DUOX1: variants seen among roughly 807,000 people sequenced by gnomAD.
DUOX1 encodes the protein NADPH thyroid oxidase 1.
In DUOX1, 134 loss-of-function variants were observed where a neutral mutation model predicts 181.8. The observed-to-expected ratio is 0.74, with a 90% CI of 0.64 to 0.85. DUOX1 has a LOEUF of 0.85. Among genes scored for constraint, DUOX1 ranks in the 40% least tolerant of loss-of-function variants. The pLI, the probability that DUOX1 is intolerant of heterozygous loss-of-function variation, is 0.00. For missense variants in DUOX1, 1,814 were observed against 2,064.4 expected (o/e 0.88, Z 2.35); for synonymous variants, 798 against 832.5 (o/e 0.96, Z 0.71).
At chr15:45,145,858 T>C (rs565335624) in intron 18 of DUOX1, among the ~76,000 whole-genome samples, 346 of 151,434 alleles carry the variant, frequency 2.3e-3, no homozygotes, top group Non-Finnish European at 4.2e-3. Flanking sequence ...GAGGTTGCAG[T>C]GAGCCGAGAT....
intron 12 of DUOX1, chr15:45,139,818 C>T (rs927583973): frequency 4.2e-5 from 26 of 624,852 alleles, no homozygotes; most frequent in Admixed American, 2.5e-4. Flanking sequence ...ATCCAGCAAG[C>T]GTGTATTAAG....
At chr15:45,133,049 G>A (rs1249680656) in intron 2 of DUOX1, among the ~76,000 whole-genome samples, 1 of 152,124 alleles carries the variant, frequency 6.6e-6, no homozygotes, top group African/African-American at 2.4e-5. Flanking sequence ...CCTAGTTTGG[G>A]GGAAAGAATC....
At chr15:45,162,961 T>A (rs1345179850) in intron 31 of DUOX1, among the ~76,000 whole-genome samples, 1 of 152,214 alleles carries the variant, frequency 6.6e-6, no homozygotes, top group African/African-American at 2.4e-5. Flanking sequence ...GGTGCTGGAA[T>A]GCAGTGGGCA....
At chr15:45,154,503 A>G (rs924318139) in intron 27 of DUOX1, among the ~76,000 whole-genome samples, 3 of 152,120 alleles carry the variant, frequency 2.0e-5, no homozygotes, top group African/African-American at 7.2e-5. Flanking sequence ...GAATCTATTC[A>G]AATTCTCTTG....
Position 45,163,779 on chromosome 15 carries a change from C to T in DUOX1, c.4405-11C>T, listed in dbSNP as rs1353661119. 1 of 1,613,970 alleles carries T rather than the reference C, an allele frequency of 6.2e-7. No homozygotes were observed. The highest frequency in any genetic ancestry group is 1.7e-5 in the Admixed American group (1 of 60,014). ...CCTGGCTGAACTTTGTTCCACCCTT[C>T]CCTACCATAGTACATCTGTGAGCGG... On this transcript the variant is annotated splice_polypyrimidine_tract_variant and intron_variant, in intron 32 of 33. Coordinates refer to ENST00000389037, the MANE Select transcript of DUOX1 (RefSeq NM_175940.3).
intron 9 of DUOX1, among the ~76,000 whole-genome samples, 189 bp from the exon 10 acceptor site, chr15:45,137,735 T>G (rs1896364790): frequency 1.3e-5 from 2 of 152,006 alleles, no homozygotes; most frequent in African/African-American, 4.8e-5. Flanking sequence ...TTTTAGATAT[T>G]TGGTCTGATG....
At chr15:45,154,113 C>A in intron 27 of DUOX1, 113 bp downstream of exon 27, 1 of 997,132 alleles carries the variant, frequency 1.0e-6, no homozygotes, top group Non-Finnish European at 1.6e-6. Context: ...TCCGGTGACC[C>A]AGGCTCTGTC....
chr15:45,161,083 A>T, intron 29 of DUOX1, 93 bp downstream of exon 29: 1 of 1,562,456 alleles, frequency 6.4e-7, no homozygotes, highest in East Asian at 2.3e-5. Flanking sequence ...GGTCGGGCCC[A>T]GTGGAGCTGG....
Position 45,155,760 on chromosome 15 carries a change from A to T in DUOX1, c.3575-42A>T, listed in dbSNP as rs536859730. 5 of 1,611,944 alleles carry T rather than the reference A, an allele frequency of 3.1e-6. No individual in the cohort carries two copies. The African/African-American group carries it at 5.3e-5, about 17-fold the overall frequency. ...GAAGCTCCAGAACAGTTCCCTTTCA[A>T]GGCACTGATCTTCTGCCTTCCACCC... On this transcript the variant is annotated intron_variant, in intron 27 of 33. Transcript: ENST00000389037.
chr15:45,131,889 G>A lies in DUOX1; in HGVS notation c.-49-29G>A, dbSNP rs139678003. On this transcript the variant is annotated intron_variant, in intron 1 of 33. Transcript: ENST00000389037. Reference sequence around the variant, plus strand: ...TTCACCTGATTCTTCTGAGTAGCTGGGGCTCATTCTTTGCCTGTCTTTTTC... The same window carrying A: ...TTCACCTGATTCTTCTGAGTAGCTGAGGCTCATTCTTTGCCTGTCTTTTTC... 9,333 of 1,455,904 alleles carry A rather than the reference G, an allele frequency of 6.4e-3. 41 individuals carry two copies. The highest frequency in any genetic ancestry group is 9.3e-3 in the Middle Eastern group (53 of 5,678). 90.2% of individuals were successfully genotyped at this position (1,455,904 alleles called of 1,614,324 possible). A position where few individuals can be genotyped will look rare whatever the true frequency, so the allele number is the denominator to read the frequency against.
chr15:45,155,408 T>TA (rs965355518), intron 27 of DUOX1: 16 of 170,974 alleles, frequency 9.4e-5, no homozygotes, highest in Non-Finnish European at 1.9e-4. Context: ...CTACTAAAAA[T>TA]AAAAAAAATT....
At chr15:45,150,097 A>T (rs1896763460) in intron 21 of DUOX1, among the ~76,000 whole-genome samples, 1 of 152,240 alleles carries the variant, frequency 6.6e-6, no homozygotes, top group Non-Finnish European at 1.5e-5. Context: ...TTGGCTTTGC[A>T]GCTTAGTCCT....
chr15:45,133,800 C>T, intron 2 of DUOX1, 64 bp from the exon 3 acceptor site: 1 of 1,427,186 alleles, frequency 7.0e-7, no homozygotes, highest in Non-Finnish European at 9.8e-7. Flanking sequence ...CCATATCCGG[C>T]AGGCCTGCCT....
intron 1 of DUOX1, among the ~76,000 whole-genome samples, chr15:45,131,200 A>G (rs534116715): frequency 6.6e-6 from 1 of 151,990 alleles, no homozygotes; most frequent in African/African-American, 2.4e-5. Flanking sequence ...CCTTACTCGC[A>G]CTCAGGAGTC....
Position 45,155,783 on chromosome 15 carries a change from C to G in DUOX1, c.3575-19C>G, listed in dbSNP as rs1361740915. ...CAAGGCACTGATCTTCTGCCTTCCA[C>G]CCTATATTCATTTTGCAGGCCTCAC... is the stretch of plus-strand genomic sequence containing the variant. On this transcript the variant is annotated intron_variant, in intron 27 of 33. Coordinates refer to ENST00000389037, the MANE Select transcript of DUOX1 (RefSeq NM_175940.3). The G allele has an allele frequency of 6.8e-6, 11 of 1,612,948 alleles. No homozygotes were observed. Among genetic ancestry groups the G allele is most frequent in the Non-Finnish European group, 9.3e-6 (11 of 1,180,006 alleles).
chr15:45,136,367 G>C lies in DUOX1; in HGVS notation c.882G>C (p.Glu294Asp), dbSNP rs768445900. 5.6e-6 allele frequency: 9 copies of C among 1,613,796 alleles called. No homozygotes were observed. The highest frequency in any genetic ancestry group is 7.6e-6 in the Non-Finnish European group (9 of 1,180,046). ...CCCCTCAGAACATCGCTGTGTATGAGTGGCTGCCCAGCTTCCTGCAGAAAA... is the reference window on the plus strand; with the variant it reads ...CCCCTCAGAACATCGCTGTGTATGACTGGCTGCCCAGCTTCCTGCAGAAAA... ...IATYQNIAVY[E>D]WLPSFLQKTL... is the part of the protein sequence containing the mutation. Residue 294 changes from glutamate to aspartate, a missense_variant, in exon 8 of 34, where the codon GAG becomes GAC. Physicochemically the swap from Glu to Asp is conservative, Grantham distance 45 (BLOSUM62 2). Coordinates refer to ENST00000389037, the MANE Select transcript of DUOX1 (RefSeq NM_175940.3).
chr15:45,161,341 C>A (rs1357764507), intron 29 of DUOX1, among the ~76,000 whole-genome samples: 12 of 141,452 alleles, frequency 8.5e-5, no homozygotes, highest in South Asian at 2.2e-4. Flanking sequence ...ATCGGTTGAA[C>A]CTGGTAGGCA....
In DUOX1 at chr15:45,165,005, T is replaced by A; in HGVS notation, c.*104T>A. ...CTGGCTGCCTCAGCCTTCTCTGATT[T>A]CCCACCTCCCAACCTTGTTCCAGGT... On this transcript the variant is annotated 3_prime_UTR_variant, in exon 34 of 34. Transcript: ENST00000389037. 7.5e-7 allele frequency: 1 copy of A among 1,331,352 alleles called. No homozygotes were observed. The highest frequency in any genetic ancestry group is 1.1e-6 in the Non-Finnish European group (1 of 946,862). 82.5% of individuals were successfully genotyped at this position (1,331,352 alleles called of 1,614,324 possible).
At chr15:45,138,812 T>C in intron 10 of DUOX1, 2 of 476,556 alleles carry the variant, frequency 4.2e-6, no homozygotes, top group Non-Finnish European at 7.4e-6. Flanking sequence ...CACTGTCAAG[T>C]ATCCCAAGGT....
Sources: gnomAD v4.1 joint callset for allele counts (sites outside exome capture counted in the v4.1 genomes callset) on GRCh38, gnomAD v4.1.1 for gene constraint, MANE v1.5 for transcripts, NCBI Gene and HGNC (gene_info 2026-07-23, HGNC 2026-07-21) for gene names.